The following MYO16 variants were observed in gnomAD, a reference collection of about 807,000 sequenced individuals.
The protein encoded by MYO16 is myosin XVI.
Under a neutral mutation model 205.3 loss-of-function variants are expected in MYO16, and 94 were observed. The observed-to-expected ratio is 0.46, with a 90% CI of 0.39 to 0.54. MYO16 has a LOEUF of 0.54. Among genes scored for constraint, MYO16 ranks in the 20% least tolerant of loss-of-function variants. MYO16 has a pLI of 0.00. For missense variants in MYO16, 2,315 were observed against 2,387.5 expected, an observed-to-expected ratio of 0.97 and a Z score of 0.63; for synonymous variants, 988 against 954.0, an observed-to-expected ratio of 1.04 and a Z score of -0.66.
the MYO16 span, among the ~76,000 whole-genome samples, chr13:108,499,319 G>A: frequency 1.3e-5 from 2 of 152,188 alleles, no homozygotes; most frequent in African/African-American, 2.4e-5. Flanking sequence ...AAGGACTGGC[G>A]AGGTGTGCTC....
chr13:109,159,829 G>A (rs1184854604), intron 32 of MYO16, among the ~76,000 whole-genome samples: 2 of 152,250 alleles, frequency 1.3e-5, no homozygotes, highest in Admixed American at 6.5e-5. Flanking sequence ...CAAGACCGAG[G>A]CCAAGGCCTA....
chr13:108,976,469 A>G (rs1884261611), intron 20 of MYO16, among the ~76,000 whole-genome samples: 2 of 152,162 alleles, frequency 1.3e-5, no homozygotes, highest in Admixed American at 6.5e-5. Context: ...CTTTCCTTGT[A>G]TCAGTTATTT....
intron 4 of MYO16, among the ~76,000 whole-genome samples, chr13:108,743,442 C>A (rs1884969746): frequency 1.3e-5 from 2 of 152,182 alleles, no homozygotes; most frequent in Non-Finnish European, 2.9e-5. Context: ...TTACTGAATT[C>A]TTACCATTAC....
At chr13:108,761,431 C>G (rs1332447899) in intron 4 of MYO16, among the ~76,000 whole-genome samples, 3 of 151,872 alleles carry the variant, frequency 2.0e-5, no homozygotes, top group Non-Finnish European at 4.4e-5. Flanking sequence ...GCTGAGAAAA[C>G]TTATTAGTGA....
At chr13:108,975,672 A>G (rs1884229231) in intron 20 of MYO16, among the ~76,000 whole-genome samples, 1 of 152,140 alleles carries the variant, frequency 6.6e-6, no homozygotes, top group African/African-American at 2.4e-5. Context: ...AAGGCTTGCC[A>G]TTATTCTCTC....
At chr13:108,639,797 C>T (rs542543236) in intron 1 of MYO16, among the ~76,000 whole-genome samples, 1 of 152,294 alleles carries the variant, frequency 6.6e-6, no homozygotes, top group South Asian at 2.1e-4. Context: ...GGTGATTGAC[C>T]TGAGCATGGA....
intron 1 of MYO16, among the ~76,000 whole-genome samples, chr13:108,598,714 T>G (rs1369519826): frequency 4.6e-5 from 7 of 152,186 alleles, no homozygotes; most frequent in Non-Finnish European, 1.0e-4. Context: ...TCTCGCACCA[T>G]TTTTATTCAT....
intron 7 of MYO16, among the ~76,000 whole-genome samples, chr13:108,807,274 T>C (rs570830386): frequency 2.0e-5 from 3 of 152,290 alleles, no homozygotes; most frequent in Non-Finnish European, 4.4e-5. Flanking sequence ...TGTAGTAAGT[T>C]AGATCTTTAA....
At chr13:108,730,014 A>G (rs1410192955) in intron 4 of MYO16, among the ~76,000 whole-genome samples, 2 of 152,106 alleles carry the variant, frequency 1.3e-5, no homozygotes, top group Non-Finnish European at 2.9e-5. Flanking sequence ...CAGTGTAGTG[A>G]CTCAGGTGCA....
At chr13:108,783,363 T>C (rs4771612) in intron 4 of MYO16, among the ~76,000 whole-genome samples, 51,845 of 152,024 alleles carry the variant, frequency 0.34, 10,062 homozygotes, top group East Asian at 0.63. Flanking sequence ...TTTCGAATGG[T>C]TGTATTTACA....
intron 9 of MYO16, among the ~76,000 whole-genome samples, chr13:108,827,792 G>T (rs1876359145): frequency 6.6e-6 from 1 of 152,206 alleles, no homozygotes; most frequent in South Asian, 2.1e-4. Context: ...TGCTGTTATT[G>T]CCACTAATGA....
At chr13:109,110,342 A>G (rs1425645858) in intron 28 of MYO16, among the ~76,000 whole-genome samples, 1 of 152,244 alleles carries the variant, frequency 6.6e-6, no homozygotes, top group African/African-American at 2.4e-5. Context: ...GAAATAACGT[A>G]TAGAATTACA....
intron 7 of MYO16, among the ~76,000 whole-genome samples, chr13:108,808,058 C>T (rs11069752): frequency 0.64 from 96,214 of 151,336 alleles, 32,419 homozygotes; most frequent in East Asian, 0.76. Context: ...TTATTTTCCA[C>T]ATCCTGGAAG....
rs896744509 is a variant in MYO16 at position 109,139,104 on chromosome 13, G to A, written c.4052-1160G>A. On this transcript the variant is annotated intron_variant, in intron 31 of 34. Coordinates refer to ENST00000457511, the MANE Select transcript of MYO16 (RefSeq NM_001198950.3). Reference sequence around the variant, plus strand: ...CAAAGTGCTGGGACTACAAGTGCCCGCCACCACTCCCGGCTAATTTTTGTA... The same window carrying A: ...CAAAGTGCTGGGACTACAAGTGCCCACCACCACTCCCGGCTAATTTTTGTA... Among the ~76,000 whole-genome samples the A allele has an allele frequency of 5.3e-5, 8 of 152,044 alleles. No homozygotes were observed. The South Asian group carries it at 6.2e-4, about 12-fold the overall frequency.
At chr13:108,749,767 G>T (rs944906263) in intron 4 of MYO16, among the ~76,000 whole-genome samples, 1 of 152,198 alleles carries the variant, frequency 6.6e-6, no homozygotes, top group African/African-American at 2.4e-5. Flanking sequence ...CAGCAATCAT[G>T]TTCCCGGGTT....
intron 22 of MYO16, among the ~76,000 whole-genome samples, chr13:109,018,683 A>G (rs966625421): frequency 6.6e-6 from 1 of 152,176 alleles, no homozygotes; most frequent in African/African-American, 2.4e-5. Context: ...GAAAAGCACA[A>G]TATTTGGGCG....
chr13:108,538,444 A>C, the MYO16 span, among the ~76,000 whole-genome samples: 2 of 152,050 alleles, frequency 1.3e-5, no homozygotes, highest in Non-Finnish European at 2.9e-5. Context: ...AAATTCCACT[A>C]GTGGTTGTGT....
intron 17 of MYO16, among the ~76,000 whole-genome samples, chr13:108,961,170 GA>G (rs1883565014): frequency 6.6e-6 from 1 of 152,186 alleles, no homozygotes; most frequent in African/African-American, 2.4e-5. Flanking sequence ...GCCTGGAGAG[GA>G]GGGGGAGTGA....
chr13:108,610,235 C>T (rs530908188), intron 1 of MYO16, among the ~76,000 whole-genome samples: 2 of 152,124 alleles, frequency 1.3e-5, no homozygotes, highest in Non-Finnish European at 2.9e-5. Flanking sequence ...TAAGGACTAA[C>T]ACAGGGACTG....
Sources: gnomAD v4.1 joint callset for allele counts (sites outside exome capture counted in the v4.1 genomes callset) on GRCh38, gnomAD v4.1.1 for gene constraint, MANE v1.5 for transcripts, NCBI Gene and HGNC (gene_info 2026-07-23, HGNC 2026-07-21) for gene names.